PHF14: variants seen among roughly 807,000 people sequenced by gnomAD.
PHF14 encodes the protein PHD finger protein 14.
A neutral mutation model predicts 117.9 loss-of-function variants in PHF14; 55 were observed. That is an observed-to-expected ratio of 0.47 (90% CI 0.38 to 0.58). The LOEUF (loss-of-function observed/expected upper bound fraction) is 0.58. Among genes scored for constraint, PHF14 ranks in the 20% least tolerant of loss-of-function variants. The probability of loss-of-function intolerance (pLI) is 0.00; values close to 1 mark genes in which losing one functional copy is unlikely to be tolerated. For synonymous variants in PHF14, 409 were observed against 368.6 expected (o/e 1.11, Z -1.26); for missense variants, 978 against 1,122.2 (o/e 0.87, Z 1.84).
At chr7:11,127,056 C>T (rs559586228) in intron 17 of PHF14, among the ~76,000 whole-genome samples, 3 of 152,180 alleles carry the variant, frequency 2.0e-5, no homozygotes, top group East Asian at 3.9e-4. Context: ...CCTTTTTCCC[C>T]CAGTTACTCT....
At chr7:11,068,776 T>C (rs1163777742) in intron 16 of PHF14, among the ~76,000 whole-genome samples, 1 of 152,106 alleles carries the variant, frequency 6.6e-6, no homozygotes, top group Non-Finnish European at 1.5e-5. Context: ...ATACATGGGA[T>C]TTAGTGGCAG....
chr7:10,992,465 C>G (rs1253554162), intron 4 of PHF14, among the ~76,000 whole-genome samples: 1 of 151,044 alleles, frequency 6.6e-6, no homozygotes, highest in Non-Finnish European at 1.5e-5. Context: ...GAGTTTGAGA[C>G]CAGCCTGGCC....
intron 16 of PHF14, among the ~76,000 whole-genome samples, chr7:11,090,504 A>G (rs1439425165): frequency 6.6e-6 from 1 of 152,214 alleles, no homozygotes; most frequent in Non-Finnish European, 1.5e-5. Flanking sequence ...GCCTGATTAT[A>G]TCAAGGACCT....
chr7:10,976,679 C>T (rs188987276), intron 2 of PHF14, among the ~76,000 whole-genome samples: 39 of 151,890 alleles, frequency 2.6e-4, no homozygotes, highest in Non-Finnish European at 4.6e-4. Flanking sequence ...TGATATCGAG[C>T]TAAGTAGAGA....
At chr7:11,123,917 C>CA (rs891259886) in intron 17 of PHF14, among the ~76,000 whole-genome samples, 2,058 of 128,856 alleles carry the variant, frequency 0.016, 30 homozygotes, top group African/African-American at 0.05. Flanking sequence ...GACTCCATCT[C>CA]AAAAAAAAAA....
intron 4 of PHF14, among the ~76,000 whole-genome samples, chr7:11,007,280 C>T (rs755083261): frequency 1.3e-5 from 2 of 151,002 alleles, no homozygotes; most frequent in Non-Finnish European, 3.0e-5. Context: ...TTTTAATGGT[C>T]TTTGTCTGTT....
At chr7:11,066,455 G>C (rs1785427120) in intron 16 of PHF14, among the ~76,000 whole-genome samples, 1 of 152,038 alleles carries the variant, frequency 6.6e-6, no homozygotes, top group Admixed American at 6.6e-5. Context: ...GCAATGTTTT[G>C]TTTTATGGTT....
intron 16 of PHF14, among the ~76,000 whole-genome samples, chr7:11,083,938 C>T (rs1786271421): frequency 6.6e-6 from 1 of 152,058 alleles, no homozygotes. Flanking sequence ...GATGGGATGC[C>T]CGTCTGGGGC....
chr7:10,996,209 G>C (rs1264374985), intron 4 of PHF14, among the ~76,000 whole-genome samples: 2 of 152,216 alleles, frequency 1.3e-5, no homozygotes, highest in Non-Finnish European at 2.9e-5. Flanking sequence ...GTGAATCTAA[G>C]GTGGGAAACT....
intron 17 of PHF14, among the ~76,000 whole-genome samples, chr7:11,120,586 A>G (rs1787720419): frequency 6.6e-6 from 1 of 152,026 alleles, no homozygotes; most frequent in Non-Finnish European, 1.5e-5. Flanking sequence ...CTATCTTTAT[A>G]ATTAATGTAT....
At chr7:11,114,050 G>A (rs1381701550) in intron 17 of PHF14, among the ~76,000 whole-genome samples, 1 of 152,070 alleles carries the variant, frequency 6.6e-6, no homozygotes, top group Non-Finnish European at 1.5e-5. Flanking sequence ...ATATTTTAAT[G>A]AAATGAAAAG....
chr7:11,160,880 T>C (rs1366665663), intron 17 of PHF14, among the ~76,000 whole-genome samples: 1 of 152,188 alleles, frequency 6.6e-6, no homozygotes, highest in East Asian at 1.9e-4. Context: ...TTACTCTGTT[T>C]ATAGTTTCTT....
At chr7:11,168,833 A>G (rs1006477786) in intron 17 of PHF14, among the ~76,000 whole-genome samples, 11 of 152,176 alleles carry the variant, frequency 7.2e-5, no homozygotes, top group Non-Finnish European at 1.6e-4. Context: ...AGCAGACATT[A>G]TGATGTCATT....
intron 16 of PHF14, among the ~76,000 whole-genome samples, chr7:11,085,956 C>G (rs1786390425): frequency 6.6e-6 from 1 of 151,996 alleles, no homozygotes; most frequent in Non-Finnish European, 1.5e-5. Flanking sequence ...AGATTTTCAC[C>G]CAGCATTTAT....
intron 16 of PHF14, among the ~76,000 whole-genome samples, chr7:11,082,784 T>C (rs531489802): frequency 1.9e-4 from 29 of 152,346 alleles, no homozygotes; most frequent in African/African-American, 6.5e-4. Flanking sequence ...TCACACTCAG[T>C]AGAATTTTGG....
At chr7:11,021,016 C>T (rs1056468111) in intron 5 of PHF14, among the ~76,000 whole-genome samples, 19 of 152,180 alleles carry the variant, frequency 1.2e-4, no homozygotes, top group African/African-American at 4.6e-4. Flanking sequence ...ATTTGTTTTA[C>T]ATGCTGTAAA....
chr7:11,063,541 G>C, intron 16 of PHF14: 1 of 975,870 alleles, frequency 1.0e-6, no homozygotes, highest in Non-Finnish European at 1.2e-6. Context: ...TATAGAGCTG[G>C]TGATCCTTTT....
chr7:11,054,464 A>G (rs1211895839), intron 14 of PHF14, among the ~76,000 whole-genome samples: 1 of 152,148 alleles, frequency 6.6e-6, no homozygotes, highest in Non-Finnish European at 1.5e-5. Flanking sequence ...TAAACTGTTC[A>G]AGGAATGTAG....
chr7:11,036,917 T>C, intron 9 of PHF14, 68 bp from the exon 10 acceptor site: 2 of 1,065,884 alleles, frequency 1.9e-6, no homozygotes, highest in Non-Finnish European at 2.7e-6. Context: ...ATCATCTTTA[T>C]AGCTAGTTTC....
Sources: allele counts gnomAD v4.1 joint callset (sites outside exome capture counted in the v4.1 genomes callset), GRCh38; gene constraint gnomAD v4.1.1; transcripts MANE v1.5; gene names NCBI Gene and HGNC (gene_info 2026-07-23, HGNC 2026-07-21).